Variants in ZMAT4 observed in about 807,000 individuals in gnomAD.
The protein encoded by ZMAT4 is zinc finger matrin-type protein 4.
ZMAT4 carries 17 observed loss-of-function variants against 28.7 expected under a neutral mutation model. The observed-to-expected ratio is 0.59, with a 90% CI of 0.41 to 0.89. The LOEUF (loss-of-function observed/expected upper bound fraction) is 0.89. Among genes scored for constraint, ZMAT4 ranks in the 40% least tolerant of loss-of-function variants. The probability of loss-of-function intolerance (pLI) is 0.00; values close to 1 mark genes in which losing one functional copy is unlikely to be tolerated. For missense variants in ZMAT4, 240 were observed against 283.8 expected, an observed-to-expected ratio of 0.85 and a Z score of 1.11; for synonymous variants, 117 against 109.2, an observed-to-expected ratio of 1.07 and a Z score of -0.44.
intron 1 of ZMAT4, among the ~76,000 whole-genome samples, chr8:40,864,811 A>C (rs549875530): frequency 6.6e-6 from 1 of 152,354 alleles, no homozygotes; most frequent in Non-Finnish European, 1.5e-5. Flanking sequence ...TATTTCCCAA[A>C]ACCTGAACTA....
intron 2 of ZMAT4, among the ~76,000 whole-genome samples, chr8:40,800,039 A>T (rs1376128505): frequency 2.6e-5 from 4 of 152,248 alleles, no homozygotes; most frequent in African/African-American, 9.6e-5. Context: ...CAACAGATAG[A>T]GAACAGTAAC....
At chr8:40,741,833 A>C (rs1812016822) in intron 3 of ZMAT4, among the ~76,000 whole-genome samples, 1 of 152,264 alleles carries the variant, frequency 6.6e-6, no homozygotes, top group South Asian at 2.1e-4. Flanking sequence ...CAATTGTAAG[A>C]GATTGGTTAA....
intron 5 of ZMAT4, among the ~76,000 whole-genome samples, chr8:40,618,413 C>T (rs1051766873): frequency 6.6e-6 from 1 of 152,164 alleles, no homozygotes; most frequent in Non-Finnish European, 1.5e-5. Flanking sequence ...ATTAATAATA[C>T]TCCTTGACAC....
chr8:40,601,756 G>A (rs111846940), intron 5 of ZMAT4, among the ~76,000 whole-genome samples: 1 of 152,036 alleles, frequency 6.6e-6, no homozygotes. Flanking sequence ...GGCAGGCAAA[G>A]GTAGAAGGCA....
chr8:40,741,666 T>A (rs1812009979), intron 3 of ZMAT4, among the ~76,000 whole-genome samples: 1 of 152,226 alleles, frequency 6.6e-6, no homozygotes, highest in South Asian at 2.1e-4. Flanking sequence ...CCCATCTTTC[T>A]GCAGGGCAGC....
chr8:40,634,467 A>G (rs1806718520), intron 5 of ZMAT4, among the ~76,000 whole-genome samples: 1 of 152,252 alleles, frequency 6.6e-6, no homozygotes, highest in African/African-American at 2.4e-5. Flanking sequence ...ATCATTTTTT[A>G]CAACACAGAA....
chr8:40,755,614 G>A (rs572025238), intron 3 of ZMAT4, among the ~76,000 whole-genome samples: 148 of 151,956 alleles, frequency 9.7e-4, no homozygotes, highest in African/African-American at 3.4e-3. Flanking sequence ...CACCATGCCC[G>A]GCTAATTTTT....
At position 40,767,721 on chromosome 8, in the gene ZMAT4, G is replaced by C; in HGVS notation, c.112C>G (p.His38Asp). The stretch of plus-strand genomic sequence containing the variant: ...TAATACAGTCGGACTTTGCTTGCAT[G>C]TTTTCGACTCTGGGAAGGAAAAGCA... ...QRVAHYESRKHASKVRLYYML... is the reference protein window; with the variant it reads ...QRVAHYESRKDASKVRLYYML... Residue 38 changes from histidine (H) to aspartate (D), a missense_variant, in exon 3 of 7, where the codon CAT (histidine) becomes GAT (aspartate). By Grantham distance (81) the His-to-Asp change is moderately conservative (BLOSUM62 -1). Transcript: ENST00000297737. The C allele has an allele frequency of 2.5e-6, 4 of 1,612,032 alleles. No individual in the cohort carries two copies. Among genetic ancestry groups the C allele is most frequent in the Non-Finnish European group, 3.4e-6 (4 of 1,179,378 alleles).
intron 6 of ZMAT4, among the ~76,000 whole-genome samples, chr8:40,539,467 A>C (rs1207345482): frequency 6.6e-6 from 1 of 152,212 alleles, no homozygotes; most frequent in Non-Finnish European, 1.5e-5. Flanking sequence ...CTTGTAATGT[A>C]TTCAAAGGGC....
chr8:40,608,090 G>T (rs776660376), intron 5 of ZMAT4, among the ~76,000 whole-genome samples: 5 of 152,138 alleles, frequency 3.3e-5, no homozygotes, highest in Admixed American at 6.6e-5. Flanking sequence ...AGGGTTGTCT[G>T]GGTAAGTATT....
At position 40,805,683 on chromosome 8, in the gene ZMAT4, G is replaced by A. The variant is rs1379278662; in HGVS notation, c.102+19892C>T. On this transcript the variant is annotated intron_variant, in intron 2 of 6. Transcript: ENST00000297737. The stretch of plus-strand genomic sequence containing the variant: ...AAATCATCATTCTCAGTAAACTATC[G>A]CAAGAACAAAAAACCAAACACCGCA... 4.6e-3 allele frequency among the ~76,000 whole-genome samples: 673 copies of A among 147,740 alleles called. 5 individuals are homozygous for A. Among genetic ancestry groups the A allele is most frequent in the African/African-American group, 0.015 (586 of 39,892 alleles).
In ZMAT4 at chr8:40,786,324, C is replaced by CT. The variant is rs1206369685; in HGVS notation, c.103-18595dup. Among the ~76,000 whole-genome samples the CT allele has an allele frequency of 5.3e-5, 8 of 151,958 alleles. No individual in the cohort carries two copies. In the East Asian group the frequency reaches 7.7e-4, roughly 15 times the overall value. ...TTTGAGTCCTATTAATATTCGTAGG[C>CT]TTTTTTTACTAGATTAAACCAATTC... On this transcript the variant is annotated intron_variant, in intron 2 of 6. Coordinates refer to ENST00000297737, the MANE Select transcript of ZMAT4 (RefSeq NM_024645.3).
chr8:40,779,270 C>T (rs1253402160), intron 2 of ZMAT4, among the ~76,000 whole-genome samples: 1 of 152,118 alleles, frequency 6.6e-6, no homozygotes, highest in Non-Finnish European at 1.5e-5. Flanking sequence ...ATTGCGAGGC[C>T]TCCCCAACCA....
chr8:40,858,610 T>A (rs926015405), intron 1 of ZMAT4, among the ~76,000 whole-genome samples: 6 of 152,146 alleles, frequency 3.9e-5, no homozygotes, highest in Non-Finnish European at 5.9e-5. Context: ...AATGACTAAC[T>A]GGAAAAATTT....
intron 3 of ZMAT4, among the ~76,000 whole-genome samples, chr8:40,711,581 CTCTTTAGGTCAAA>C (rs1008721460): frequency 1.3e-5 from 2 of 152,150 alleles, no homozygotes; most frequent in African/African-American, 4.8e-5. Flanking sequence ...CTTTAGAAAA[CTCTTTAGGTCAAA>C]TGCCCCCAGG....
chr8:40,797,773 G>A (rs142150082), intron 2 of ZMAT4, among the ~76,000 whole-genome samples: 31 of 152,272 alleles, frequency 2.0e-4, no homozygotes, highest in African/African-American at 6.7e-4. Context: ...ATCAGGCAGG[G>A]GATCTGTCGA....
chr8:40,743,249 AATTTAGGGCTTTAAAAC>A (rs1441028871), intron 3 of ZMAT4, among the ~76,000 whole-genome samples: 1 of 152,186 alleles, frequency 6.6e-6, no homozygotes, highest in Non-Finnish European at 1.5e-5. Flanking sequence ...ACTCAGGAAG[AATTTAGGGCTTTAAAAC>A]ATTTATTTGA....
chr8:40,732,505 T>C (rs548151104), intron 3 of ZMAT4, among the ~76,000 whole-genome samples: 140 of 152,314 alleles, frequency 9.2e-4, no homozygotes, highest in Non-Finnish European at 1.4e-3. Flanking sequence ...GCCCAAGCCA[T>C]TGGGCTGGAT....
intron 5 of ZMAT4, among the ~76,000 whole-genome samples, chr8:40,654,194 G>A (rs1807815379): frequency 6.6e-6 from 1 of 152,046 alleles, no homozygotes; most frequent in Non-Finnish European, 1.5e-5. Context: ...TGCCTTCATG[G>A]CTCTCTAGCC....
Sources: gnomAD v4.1 joint callset for allele counts (sites outside exome capture counted in the v4.1 genomes callset) on GRCh38, gnomAD v4.1.1 for gene constraint, MANE v1.5 for transcripts, NCBI Gene and HGNC (gene_info 2026-07-23, HGNC 2026-07-21) for gene names.